The following SH2D4B variants were observed in gnomAD, a reference collection of about 807,000 sequenced individuals.
SH2D4B encodes the protein SH2 domain-containing protein 4B.
A neutral mutation model predicts 61.5 loss-of-function variants in SH2D4B; 45 were observed. That is an observed-to-expected ratio of 0.73 (90% confidence interval 0.58 to 0.94). The LOEUF (loss-of-function observed/expected upper bound fraction) is 0.94, where lower values mean the gene tolerates loss of function less well. Among genes scored for constraint, SH2D4B ranks in the 40% least tolerant of loss-of-function variants. The pLI is 0.00. For missense variants in SH2D4B, 572 were observed against 574.2 expected (o/e 1.00, Z 0.04); for synonymous variants, 224 against 220.4 (o/e 1.02, Z -0.14).
intron 6 of SH2D4B, among the ~76,000 whole-genome samples, chr10:80,625,657 C>T (rs1305853328): frequency 6.6e-6 from 1 of 150,494 alleles, no homozygotes; most frequent in Non-Finnish European, 1.5e-5. Context: ...ACTGCAATCT[C>T]TACCTCCCGG....
chr10:80,614,636 C>T (rs1165480245), intron 6 of SH2D4B, among the ~76,000 whole-genome samples: 7 of 152,254 alleles, frequency 4.6e-5, no homozygotes. Flanking sequence ...AGCGAACCCC[C>T]CAGAATGGGG....
chr10:80,564,952 A>C (rs1444528546), intron 1 of SH2D4B, among the ~76,000 whole-genome samples: 1 of 152,244 alleles, frequency 6.6e-6, no homozygotes, highest in Non-Finnish European at 1.5e-5. Flanking sequence ...GAGAGACTCC[A>C]GGGATGCCTC....
intron 6 of SH2D4B, among the ~76,000 whole-genome samples, chr10:80,613,765 A>G (rs1014411080): frequency 2.0e-5 from 3 of 152,208 alleles, no homozygotes; most frequent in Non-Finnish European, 4.4e-5. Flanking sequence ...TTCTTATGAG[A>G]TGCGAGAGCT....
intron 1 of SH2D4B, among the ~76,000 whole-genome samples, chr10:80,541,821 A>G (rs551336184): frequency 6.6e-6 from 1 of 152,270 alleles, no homozygotes; most frequent in South Asian, 2.1e-4. Flanking sequence ...TGAGATCCAC[A>G]TTTGGAACCC....
At chr10:80,546,049 T>C (rs1055131205) in intron 1 of SH2D4B, among the ~76,000 whole-genome samples, 1 of 148,132 alleles carries the variant, frequency 6.8e-6, no homozygotes, top group Non-Finnish European at 1.5e-5. Context: ...TCTCTTTCTT[T>C]TTTTTTTTTT....
intron 6 of SH2D4B, among the ~76,000 whole-genome samples, chr10:80,624,762 C>G (rs1178842247): frequency 6.6e-6 from 1 of 152,196 alleles, no homozygotes; most frequent in Non-Finnish European, 1.5e-5. Context: ...TGATTAGTGA[C>G]TCTGTTGTTC....
At chr10:80,618,482 C>T (rs11186301) in intron 6 of SH2D4B, among the ~76,000 whole-genome samples, 2,090 of 152,048 alleles carry the variant, frequency 0.014, 26 homozygotes, top group East Asian at 0.059. Context: ...TTTCATTTGG[C>T]GTTATAAAAA....
intron 6 of SH2D4B, among the ~76,000 whole-genome samples, chr10:80,624,912 A>G (rs1842754351): frequency 6.6e-6 from 1 of 152,216 alleles, no homozygotes; most frequent in African/African-American, 2.4e-5. Flanking sequence ...ATATATGTAT[A>G]TACATATGTG....
At chr10:80,603,067 T>A (rs992906885) in intron 4 of SH2D4B, among the ~76,000 whole-genome samples, 4 of 151,770 alleles carry the variant, frequency 2.6e-5, no homozygotes, top group Non-Finnish European at 5.9e-5. Context: ...AGTCCCTTAG[T>A]GAGATAATGC....
At chr10:80,567,383 A>G (rs948271420) in intron 1 of SH2D4B, among the ~76,000 whole-genome samples, 8 of 152,196 alleles carry the variant, frequency 5.3e-5, no homozygotes, top group Admixed American at 1.3e-4. Context: ...GGCCATCCAC[A>G]CATTTCATTC....
At position 80,539,569 on chromosome 10, in the gene SH2D4B, C is replaced by A. The variant is rs1176827287; in HGVS notation, c.184+1054C>A. 6.6e-6 allele frequency among the ~76,000 whole-genome samples: 1 copy of A among 152,238 alleles called. No individual in the cohort carries two copies. Among genetic ancestry groups the A allele is most frequent in the African/African-American group, 2.4e-5 (1 of 41,466 alleles). On this transcript the variant is annotated intron_variant, in intron 1 of 7. Transcript: ENST00000646907. The surrounding 1 kb of genome is among the most constrained non-coding windows in gnomAD (Gnocchi z 4.9). ...CTTCTGCCTTCATCCACCTGACAGA[C>A]TCCATCAGGAGTGGCCCCCCTGCCC...
At chr10:80,593,550 TC>T (rs1842355675) in intron 4 of SH2D4B, among the ~76,000 whole-genome samples, 2 of 152,380 alleles carry the variant, frequency 1.3e-5, no homozygotes, top group Non-Finnish European at 2.9e-5. Flanking sequence ...TGATCTTGTA[TC>T]CTGTAACCTT....
chr10:80,580,692 A>T (rs924985516), intron 3 of SH2D4B, among the ~76,000 whole-genome samples: 2 of 152,102 alleles, frequency 1.3e-5, no homozygotes, highest in Admixed American at 6.6e-5. Flanking sequence ...ATTTTAAAAA[A>T]TTTTTCACTT....
chr10:80,549,867 C>T (rs1841734737), intron 1 of SH2D4B, among the ~76,000 whole-genome samples: 1 of 152,168 alleles, frequency 6.6e-6, no homozygotes, highest in Non-Finnish European at 1.5e-5. Flanking sequence ...CATGGGGTCA[C>T]CCACAGTCAC....
chr10:80,586,110 C>G (rs541488140), intron 3 of SH2D4B, among the ~76,000 whole-genome samples: 1 of 152,200 alleles, frequency 6.6e-6, no homozygotes, highest in African/African-American at 2.4e-5. Flanking sequence ...GCTGCCTCCC[C>G]GTGGGGCAGG....
At chr10:80,626,331 T>TGGA (rs1471286692) in intron 6 of SH2D4B, among the ~76,000 whole-genome samples, 1 of 152,254 alleles carries the variant, frequency 6.6e-6, no homozygotes, top group Non-Finnish European at 1.5e-5. Flanking sequence ...CTGGCTTTTA[T>TGGA]GGTTGCAACT....
intron 4 of SH2D4B, among the ~76,000 whole-genome samples, chr10:80,597,701 A>G (rs1176247445): frequency 6.6e-6 from 1 of 151,634 alleles, no homozygotes; most frequent in African/African-American, 2.4e-5. Context: ...AAAATAAAAT[A>G]CACGGGGAGA....
chr10:80,602,267 G>A lies in SH2D4B; in HGVS notation c.644-1312G>A, dbSNP rs1432244309. Among the ~76,000 whole-genome samples the A allele has an allele frequency of 7.2e-5, 11 of 152,106 alleles. No individual in the cohort carries two copies. The East Asian group carries it at 1.7e-3, about 24-fold the overall frequency. On this transcript the variant is annotated intron_variant, in intron 4 of 7. Transcript: ENST00000646907. ...GCTTTAGCACAAGAGTTCAAGACCA[G>A]GCTGCACAACATAGTGAAGCCCTGT... is the stretch of plus-strand genomic sequence containing the variant.
intron 1 of SH2D4B, among the ~76,000 whole-genome samples, chr10:80,561,320 C>T (rs1419624096): frequency 1.3e-5 from 2 of 152,100 alleles, no homozygotes; most frequent in Admixed American, 1.3e-4. Flanking sequence ...CCACAATGGG[C>T]TTATTAGTTT....
Sources: allele counts gnomAD v4.1 joint callset (sites outside exome capture counted in the v4.1 genomes callset), GRCh38; gene constraint gnomAD v4.1.1; non-coding constraint Gnocchi (gnomAD v3.1); transcripts MANE v1.5; gene names NCBI Gene and HGNC (gene_info 2026-07-23, HGNC 2026-07-21).